The following MYH6 variants were observed in gnomAD, a reference collection of about 807,000 sequenced individuals.
MYH6 encodes myosin heavy chain 6, also known as myosin-6.
A neutral mutation model predicts 223.2 loss-of-function variants in MYH6; 126 were observed. That is an observed-to-expected ratio of 0.56 (90% confidence interval 0.49 to 0.65). The LOEUF is 0.65. MYH6 is among the 30% of genes least tolerant of loss of function. The pLI is 0.00. For synonymous variants in MYH6, 978 were observed against 1,010.2 expected (o/e 0.97, Z 0.61); for missense variants, 2,040 against 2,536.4 (o/e 0.80, Z 4.20).
chr14:23,403,728 T>C lies in MYH6; in HGVS notation c.786A>G (p.Ala262=), dbSNP rs932758512. Residue 262 remains alanine (A), a synonymous_variant, in exon 9 of 39, where the codon GCA becomes GCG. Coordinates refer to ENST00000405093, the MANE Select transcript of MYH6 (RefSeq NM_002471.4). ...HFGATGKLAS[A]DIETYLLEKS... is the part of the protein sequence containing the mutation. ...GCTGGTACTCACAGGTCTCTATGTCTGCAGAAGCCAGCTTTCCAGTGGCCC... is the reference window on the plus strand; with the variant it reads ...GCTGGTACTCACAGGTCTCTATGTCCGCAGAAGCCAGCTTTCCAGTGGCCC... 2 of 1,612,964 alleles carry C rather than the reference T, an allele frequency of 1.2e-6. No homozygotes were observed. Among genetic ancestry groups the C allele is most frequent in the Admixed American group, 3.3e-5 (2 of 59,884 alleles).
At chr14:23,386,670 G>T (rs200595005) in intron 32 of MYH6, 47 bp from the exon 33 acceptor site, 14 of 1,566,288 alleles carry the variant, frequency 8.9e-6, no homozygotes, top group Admixed American at 3.6e-5. Flanking sequence ...ACAGGGCAGG[G>T]TTGAGAGGGA....
chr14:23,394,055 CA>C lies in MYH6; in HGVS notation c.2685+12del. On this transcript the variant is annotated intron_variant, in intron 21 of 38. Transcript: ENST00000405093. ...GGGAGGAGAGGGCTGAAGAGATAAT[CA>C]CGTGGCCTCACCGCCTGCACTTGGA... The C allele has an allele frequency of 6.2e-7, 1 of 1,614,098 alleles. No homozygotes were observed.
Position 23,389,479 on chromosome 14 carries a change from C to T in MYH6, c.3892G>A (p.Ala1298Thr), listed in dbSNP as rs1177022370. 1 of 1,614,136 alleles carries T rather than the reference C, an allele frequency of 6.2e-7. No individual in the cohort carries two copies. The highest frequency in any genetic ancestry group is 8.5e-7 in the Non-Finnish European group (1 of 1,180,032). Residue 1298 changes from alanine to threonine, a missense_variant, in exon 28 of 39, where the codon GCG (alanine) becomes ACG (threonine). Physicochemically the swap from Ala to Thr is moderately conservative, Grantham distance 58 (BLOSUM62 0). Around this residue, in one of 4 missense-constraint regions of MYH6, gnomAD observed 1,203 missense variants for 1,400.2 expected, o/e 0.86. Coordinates refer to ENST00000405093, the MANE Select transcript of MYH6 (RefSeq NM_002471.4). Reference protein sequence around the residue: ...ELARQLEEKEALISQLTRGKL... With the variant: ...ELARQLEEKETLISQLTRGKL... ...CCCCGGGTCAGCTGCGAGATTAGCG[C>T]CTCCTTTTCCTCTAGCTGCCGGGCC...
chr14:23,395,779 C>T (rs1466286482), intron 20 of MYH6, among the ~76,000 whole-genome samples: 4 of 152,084 alleles, frequency 2.6e-5, no homozygotes, highest in African/African-American at 9.6e-5. Flanking sequence ...CCACCCGCCT[C>T]GGCCTCCCAA....
At chr14:23,400,001 C>T (rs1891549116) in intron 14 of MYH6, 1 of 561,322 alleles carries the variant, frequency 1.8e-6, no homozygotes, top group Middle Eastern at 3.6e-4. Context: ...GGGCCAGGGG[C>T]CTCTCCTTCA....
chr14:23,403,767 A>C lies in MYH6; in HGVS notation c.747T>G (p.Ile249Met). The C allele has an allele frequency of 6.2e-7, 1 of 1,612,086 alleles. No individual in the cohort carries two copies. The highest frequency in any genetic ancestry group is 8.5e-7 in the Non-Finnish European group (1 of 1,179,060). Residue 249 changes from isoleucine to methionine, a missense_variant, in exon 9 of 39, where the codon ATT (isoleucine) becomes ATG (methionine). Ile to Met is a conservative substitution (Grantham distance 10). This residue lies in a region of MYH6 where 649 missense variants were observed against 877.3 expected (regional missense o/e 0.74). Transcript: ENST00000405093. Reference sequence around the variant, plus strand: ...TTCCAGTGGCCCCAAAGTGGATCCTAATGAATTTCCCCTGGGGACGAATGG... The same window carrying C: ...TTCCAGTGGCCCCAAAGTGGATCCTCATGAATTTCCCCTGGGGACGAATGG... ...NDNSSRFGKFIRIHFGATGKL... is the reference protein window; with the variant it reads ...NDNSSRFGKFMRIHFGATGKL...
intron 8 of MYH6, 130 bp from the exon 9 acceptor site, chr14:23,403,908 A>G: frequency 1.2e-6 from 1 of 853,322 alleles, no homozygotes; most frequent in Non-Finnish European, 1.9e-6. Context: ...TCAGTTGAGT[A>G]TAAGTGAAGC....
intron 30 of MYH6, 51 bp from the exon 31 acceptor site, chr14:23,387,974 C>T (rs1290429067): frequency 6.2e-7 from 1 of 1,609,762 alleles, no homozygotes; most frequent in Non-Finnish European, 8.5e-7. Flanking sequence ...AGCTCCCCAG[C>T]CCTCCTGCTT....
In MYH6 at chr14:23,393,000, G is replaced by A. The variant is rs764909774; in HGVS notation, c.3163C>T (p.Arg1055Trp). 4.3e-6 allele frequency: 7 copies of A among 1,614,174 alleles called. No individual in the cohort carries two copies. Among genetic ancestry groups the A allele is most frequent in the Non-Finnish European group, 5.9e-6 (7 of 1,180,040 alleles). The change falls in exon 24 of 39, where the codon CGG (arginine) becomes TGG (tryptophan). Residue 1055 changes from arginine to tryptophan, a missense_variant. Arg to Trp is a moderately radical substitution (Grantham distance 101, BLOSUM62 -3). Around this residue, in one of 4 missense-constraint regions of MYH6, gnomAD observed 1,203 missense variants for 1,400.2 expected, o/e 0.86. Transcript: ENST00000405093. Reference protein sequence around the residue: ...KVRMDLERAKRKLEGDLKLTQ... With the variant: ...KVRMDLERAKWKLEGDLKLTQ... Reference sequence around the variant, plus strand: ...AGCTTCAGGTCGCCCTCCAGTTTCCGCTTTGCTCGCTCCAGGTCCATGCGC... The same window carrying A: ...AGCTTCAGGTCGCCCTCCAGTTTCCACTTTGCTCGCTCCAGGTCCATGCGC...
rs960596190 is a variant in MYH6, at chr14:23,408,257, G to A, written c.-51C>T. 2 of 985,324 alleles carry A rather than the reference G, an allele frequency of 2.0e-6. No individual in the cohort carries two copies. The highest frequency in any genetic ancestry group is 1.2e-6 in the Non-Finnish European group (1 of 829,964). The allele number at this position is 985,324 out of a possible 1,614,324, so 61.0% of individuals were successfully genotyped here. On this transcript the variant is annotated 5_prime_UTR_variant, in exon 1 of 39. Transcript: ENST00000405093. ...CCACCCCAAACCTCCTCTTACCTGG[G>A]CCGCAGGAGTCTCTCTATCTGTCCT...
At position 23,387,798 on chromosome 14, in the gene MYH6, C is replaced by T. The variant is rs371206743; in HGVS notation, c.4485G>A (p.Glu1495=). Residue 1495 remains glutamate, a synonymous_variant, in exon 31 of 39, where the codon GAG becomes GAA. Coordinates refer to ENST00000405093, the MANE Select transcript of MYH6 (RefSeq NM_002471.4). ...KLKNAYEESL[E]HLETFKRENK... ...TCTCCCGCTTGAAGGTCTCTAGGTG[C>T]TCCAGGGACTCCTCGTAGGCGTTCT... The T allele has an allele frequency of 2.6e-5, 42 of 1,613,976 alleles. No homozygotes were observed. The highest frequency in any genetic ancestry group is 1.6e-4 in the Middle Eastern group (1 of 6,084).
rs762923098 is a variant in MYH6 at position 23,382,532 on chromosome 14, A to C, written c.5692T>G (p.Phe1898Val). The C allele has an allele frequency of 1.2e-6, 2 of 1,614,124 alleles. No individual in the cohort carries two copies. The highest frequency in any genetic ancestry group is 1.7e-6 in the Non-Finnish European group (2 of 1,180,002). Residue 1898 changes from phenylalanine (F) to valine (V), a missense_variant, in exon 38 of 39, where the codon TTC becomes GTC. Phe to Val is a conservative substitution (Grantham distance 50). Around this residue, in one of 4 missense-constraint regions of MYH6, gnomAD observed 1,203 missense variants for 1,400.2 expected, o/e 0.86. Transcript: ENST00000405093. ...TCCAGCTCATGCTGCACCTTGCGGA[A>C]CTTGGACAGGTTGGTGTTGGCTTGC... The part of the protein sequence containing the change: ...EEQANTNLSK[F>V]RKVQHELDEA...
rs962284796 is a variant in MYH6 at position 23,404,957 on chromosome 14, G to T, written c.531-135C>A. 7 of 1,497,110 alleles carry T rather than the reference G, an allele frequency of 4.7e-6. No individual in the cohort carries two copies. The Admixed American group carries it at 5.4e-5, about 12-fold the overall frequency. The allele number at this position is 1,497,110 out of a possible 1,614,324, so 92.7% of individuals were successfully genotyped here. ...CAGGATTTGCCTGACATGGTTCATT[G>T]CTCTGGCACCCCTCTAATGAGAGCT... On this transcript the variant is annotated intron_variant, in intron 6 of 38. Transcript: ENST00000405093.
At chr14:23,388,064 C>T (rs1891092905) in intron 30 of MYH6, 91 bp downstream of exon 30, 1 of 1,609,270 alleles carries the variant, frequency 6.2e-7, no homozygotes, top group Non-Finnish European at 8.5e-7. Flanking sequence ...CCCTCCTCCT[C>T]CACCTCCAAG....
chr14:23,393,989 T>C lies in MYH6; in HGVS notation c.2685+79A>G, dbSNP rs1462842244. On this transcript the variant is annotated intron_variant, in intron 21 of 38. Transcript: ENST00000405093. Reference sequence around the variant, plus strand: ...TTAAAAAGAGCTGGCACTCCTAGACTCCCAGTCCCTGGTTGTGAGATGGGC... The same window carrying C: ...TTAAAAAGAGCTGGCACTCCTAGACCCCCAGTCCCTGGTTGTGAGATGGGC... 5 of 1,613,596 alleles carry C rather than the reference T, an allele frequency of 3.1e-6. No homozygotes were observed. The South Asian group carries it at 5.5e-5, about 18-fold the overall frequency.
At chr14:23,394,806 TC>T (rs1891346895) in intron 20 of MYH6, among the ~76,000 whole-genome samples, 1 of 152,174 alleles carries the variant, frequency 6.6e-6, no homozygotes, top group Admixed American at 6.5e-5. Flanking sequence ...ATCTTATTTT[TC>T]CTTTCCTTGC....
At chr14:23,392,774 G>A in intron 24 of MYH6, 122 bp from the exon 25 acceptor site, 2 of 1,478,104 alleles carry the variant, frequency 1.4e-6, no homozygotes, top group Non-Finnish European at 1.9e-6. Context: ...AGCCCAGAAA[G>A]TGGCGGAAGA....
intron 20 of MYH6, among the ~76,000 whole-genome samples, chr14:23,396,062 A>G (rs1313797387): frequency 6.6e-6 from 1 of 151,284 alleles, no homozygotes; most frequent in African/African-American, 2.4e-5. Context: ...ATGGTATTTC[A>G]TTGGTGTCTT....
chr14:23,385,915 C>A lies in MYH6; in HGVS notation c.5163+13G>T. 1 of 1,614,174 alleles carries A rather than the reference C, an allele frequency of 6.2e-7. No individual in the cohort carries two copies. Among genetic ancestry groups the A allele is most frequent in the Non-Finnish European group, 8.5e-7 (1 of 1,180,028 alleles). ...TCAGTAGGTTTCCACAAGGTGGCTC[C>A]TGACCCCCTCACCTGGGAATGCAGC... is the stretch of plus-strand genomic sequence containing the variant. On this transcript the variant is annotated intron_variant, in intron 34 of 38. Transcript: ENST00000405093.
Sources: gnomAD v4.1 joint callset for allele counts (sites outside exome capture counted in the v4.1 genomes callset) on GRCh38, gnomAD v4.1.1 for gene constraint, gnomAD v4.1.1 regional missense constraint, MANE v1.5 for transcripts, NCBI Gene and HGNC (gene_info 2026-07-23, HGNC 2026-07-21) for gene names.